Variants in NR4A3 observed in about 807,000 individuals in gnomAD.
NR4A3 encodes the protein nuclear receptor subfamily 4 group A member 3.
A neutral mutation model predicts 55.6 loss-of-function variants in NR4A3; 13 were observed. The ratio of observed to expected loss-of-function variants is 0.23; its 90% CI spans 0.15 to 0.37. NR4A3 has a LOEUF of 0.37. Ranked by LOEUF, NR4A3 falls within the 10% of genes least tolerant of loss-of-function variation. NR4A3 has a pLI of 1.00. For missense variants in NR4A3, 646 were observed against 822.8 expected (o/e 0.79, Z 2.63); for synonymous variants, 342 against 357.9 (o/e 0.96, Z 0.50).
In NR4A3 at chr9:99,828,508, T is replaced by A; in HGVS notation, c.466T>A (p.Trp156Arg). The A allele has an allele frequency of 6.3e-7, 1 of 1,580,346 alleles. No homozygotes were observed. The highest frequency in any genetic ancestry group is 8.6e-7 in the Non-Finnish European group (1 of 1,165,932). Residue 156 changes from tryptophan to arginine, a missense_variant, in exon 3 of 8, where the codon TGG becomes AGG. By Grantham distance (101) the Trp-to-Arg change is moderately radical. Transcript: ENST00000395097. The surrounding 1 kb of genome is among the most constrained non-coding windows in gnomAD (Gnocchi z 7.7). ...PAFPPQAGAL[W>R]DEALPSAPGC... Reference sequence around the variant, plus strand: ...CTTCCCCCCGCAGGCGGGGGCGTTATGGGACGAGGCACTGCCCTCGGCGCC... The same window carrying A: ...CTTCCCCCCGCAGGCGGGGGCGTTAAGGGACGAGGCACTGCCCTCGGCGCC...
rs776716724 is a variant in NR4A3, at chr9:99,844,782, A to G, written c.1388A>G (p.Lys463Arg). 1.2e-6 allele frequency: 2 copies of G among 1,614,118 alleles called. No homozygotes were observed. Among genetic ancestry groups the G allele is most frequent in the South Asian group, 1.1e-5 (1 of 91,084 alleles). The change falls in exon 6 of 8, where the codon AAA becomes AGA. Residue 463 changes from lysine to arginine, a missense_variant. This residue lies in a region of NR4A3 where 163 missense variants were observed against 233.0 expected (regional missense o/e 0.70). Transcript: ENST00000395097. ...EKIPGFTDLP[K>R]EDQTLLIESA... ...ATTCCGGGATTTACTGATCTCCCCAAAGAAGATCAGACATTACTTATTGAA... is the reference window on the plus strand; with the variant it reads ...ATTCCGGGATTTACTGATCTCCCCAGAGAAGATCAGACATTACTTATTGAA...
At position 99,833,580 on chromosome 9, in the gene NR4A3, A is replaced by G. The variant is rs368133506; in HGVS notation, c.1254+126A>G. ...GTTAGACAGTTTTCATACTTTTTCT[A>G]TATTTCTCGCTTCATTTAGCAATTC... is the stretch of plus-strand genomic sequence containing the variant. On this transcript the variant is annotated intron_variant, in intron 5 of 7. Coordinates refer to ENST00000395097, the MANE Select transcript of NR4A3 (RefSeq NM_006981.4). 7.3e-5 allele frequency: 118 copies of G among 1,605,790 alleles called. 1 individual carries two copies. Among genetic ancestry groups the G allele is most frequent in the South Asian group, 2.9e-4 (26 of 90,400 alleles).
At chr9:99,847,103 G>A (rs910036702) in intron 6 of NR4A3, among the ~76,000 whole-genome samples, 2 of 152,206 alleles carry the variant, frequency 1.3e-5, no homozygotes, top group African/African-American at 2.4e-5. Context: ...GGGGTGCACT[G>A]GGCTTCATCT....
rs1177632289 is a variant in NR4A3 at position 99,844,699 on chromosome 9, A to G, written c.1305A>G (p.Gln435=). ...CAGGCACAGATGCTGAGCATGTGCAACAATTCTACAACCTCCTGACAGCCT... is the reference window on the plus strand; with the variant it reads ...CAGGCACAGATGCTGAGCATGTGCAGCAATTCTACAACCTCCTGACAGCCT... ...AAAGTDAEHV[Q]QFYNLLTASI... Residue 435 remains glutamine (Q), a synonymous_variant, in exon 6 of 8, where the codon CAA becomes CAG. Coordinates refer to ENST00000395097, the MANE Select transcript of NR4A3 (RefSeq NM_006981.4). 1 of 1,614,230 alleles carries G rather than the reference A, an allele frequency of 6.2e-7. No homozygotes were observed. The highest frequency in any genetic ancestry group is 2.2e-5 in the East Asian group (1 of 44,880).
rs1424989417 is a variant in NR4A3, at chr9:99,826,839, C to T, written c.-3+1007C>T. On this transcript the variant is annotated intron_variant, in intron 2 of 7. Transcript: ENST00000395097. The stretch of plus-strand genomic sequence containing the variant: ...TGTCAAAGGAAATGTGAAGTATTCA[C>T]TTCTCTATTAGTCACACCTTTTACA... 8 of 1,575,110 alleles carry T rather than the reference C, an allele frequency of 5.1e-6. No homozygotes were observed. In the African/African-American group the frequency reaches 8.1e-5, roughly 16 times the overall value.
chr9:99,859,896 G>A (rs1402218391), intron 7 of NR4A3, among the ~76,000 whole-genome samples: 4 of 152,222 alleles, frequency 2.6e-5, no homozygotes, highest in East Asian at 1.9e-4. Context: ...TGAGAAAGGC[G>A]TCTCTCCCTA....
At chr9:99,839,815 G>A (rs1437840832) in intron 5 of NR4A3, among the ~76,000 whole-genome samples, 1 of 152,174 alleles carries the variant, frequency 6.6e-6, no homozygotes. Flanking sequence ...ATGTTCGATT[G>A]GCATGATCAG....
chr9:99,835,640 A>G (rs993645488), intron 5 of NR4A3, among the ~76,000 whole-genome samples: 2 of 152,204 alleles, frequency 1.3e-5, no homozygotes, highest in African/African-American at 4.8e-5. Flanking sequence ...TTAGGCCTCA[A>G]AAGTAATTTT....
chr9:99,838,510 C>A (rs1473616799), intron 5 of NR4A3, among the ~76,000 whole-genome samples: 1 of 152,214 alleles, frequency 6.6e-6, no homozygotes, highest in Non-Finnish European at 1.5e-5. Context: ...GATGATTTCA[C>A]GCCAGTTCCT....
At chr9:99,823,753 C>T (rs970164703) in intron 1 of NR4A3, among the ~76,000 whole-genome samples, 11 of 151,934 alleles carry the variant, frequency 7.2e-5, no homozygotes, top group Non-Finnish European at 1.5e-4. Flanking sequence ...CCCCGGCACC[C>T]ATCCACCCCT....
At chr9:99,826,132 CTCT>C (rs1235653615) in intron 2 of NR4A3, among the ~76,000 whole-genome samples, 3 of 152,254 alleles carry the variant, frequency 2.0e-5, no homozygotes, top group Non-Finnish European at 2.9e-5. Flanking sequence ...TTCATTTTTG[CTCT>C]TCTTTTATAG....
Position 99,828,714 on chromosome 9 carries a change from G to C in NR4A3, c.672G>C (p.Pro224=). Residue 224 remains proline, a synonymous_variant, in exon 3 of 8, where the codon CCG becomes CCC. Transcript: ENST00000395097. The surrounding 1 kb of genome is among the most constrained non-coding windows in gnomAD (Gnocchi z 7.7). ...DPTAAAALSL[P]LGAAAAAGSQ... is the part of the protein sequence containing the mutation. ...CGGCCGCTGCCGCGCTCAGCCTGCCGCTGGGAGCCGCAGCCGCCGCGGGCA... is the reference window on the plus strand; with the variant it reads ...CGGCCGCTGCCGCGCTCAGCCTGCCCCTGGGAGCCGCAGCCGCCGCGGGCA... The C allele has an allele frequency of 1.5e-6, 2 of 1,306,522 alleles. No individual in the cohort carries two copies. The highest frequency in any genetic ancestry group is 2.2e-5 in the South Asian group (1 of 45,770). The allele number at this position is 1,306,522 out of a possible 1,614,324, so 80.9% of individuals were successfully genotyped here.
intron 2 of NR4A3, 60 bp from the exon 3 acceptor site, chr9:99,827,981 T>C: frequency 9.0e-6 from 14 of 1,556,330 alleles, no homozygotes; most frequent in Non-Finnish European, 1.2e-5. Flanking sequence ...CAATGCTGCC[T>C]GTTGGCTAGA....
Position 99,846,435 on chromosome 9 carries a change from GTCA to G in NR4A3, c.1455-997_1455-995del, listed in dbSNP as rs1321832657. Among the ~76,000 whole-genome samples, 4 of 152,252 alleles carry G rather than the reference GTCA, an allele frequency of 2.6e-5. 1 individual carries two copies. In the East Asian group the frequency reaches 7.7e-4, roughly 29 times the overall value. On this transcript the variant is annotated intron_variant, in intron 6 of 7. Coordinates refer to ENST00000395097, the MANE Select transcript of NR4A3 (RefSeq NM_006981.4). ...AGGAGCACCCAAAGCCACACCCCAA[GTCA>G]TCATGTCCACCTGGAAGTTCCAGGG...
At chr9:99,836,688 A>T (rs564244865) in intron 5 of NR4A3, among the ~76,000 whole-genome samples, 2 of 152,386 alleles carry the variant, frequency 1.3e-5, no homozygotes, top group South Asian at 2.1e-4. Flanking sequence ...TTGTCTGATA[A>T]CAAGTGTTGG....
chr9:99,862,582 AAGAG>A (rs1564041245), intron 7 of NR4A3, among the ~76,000 whole-genome samples: 1 of 116,184 alleles, frequency 8.6e-6, no homozygotes, highest in Non-Finnish European at 1.7e-5. Flanking sequence ...AAAAAAAAAA[AAGAG>A]AGAGAAATGA....
rs529422230 is a variant in NR4A3 at position 99,861,806 on chromosome 9, T to C, written c.1634-1814T>C. On this transcript the variant is annotated intron_variant, in intron 7 of 7. Transcript: ENST00000395097. Reference sequence around the variant, plus strand: ...ATGCCCCCAACTTAAAAAATTAATTTAGAGCCAGGCACGGTAGCTCATGCC... The same window carrying C: ...ATGCCCCCAACTTAAAAAATTAATTCAGAGCCAGGCACGGTAGCTCATGCC... Among the ~76,000 whole-genome samples the C allele has an allele frequency of 1.4e-4, 21 of 152,202 alleles. No individual in the cohort carries two copies. The South Asian group carries it at 4.2e-3, about 30-fold the overall frequency.
At chr9:99,837,223 G>A (rs1827573263) in intron 5 of NR4A3, among the ~76,000 whole-genome samples, 1 of 152,098 alleles carries the variant, frequency 6.6e-6, no homozygotes, top group South Asian at 2.1e-4. Flanking sequence ...CTCCAGCTCT[G>A]TGTGGTATTA....
rs1300152073 is a variant in NR4A3 at position 99,847,418 on chromosome 9, T to C, written c.1455-19T>C. ...ATTGAACAGACCTGTTTAATGTTTG[T>C]CTTCCTCTCACCTCCCAGGTCAAAC... On this transcript the variant is annotated intron_variant, in intron 6 of 7. Transcript: ENST00000395097. 1 of 1,612,062 alleles carries C rather than the reference T, an allele frequency of 6.2e-7. No homozygotes were observed. The highest frequency in any genetic ancestry group is 8.5e-7 in the Non-Finnish European group (1 of 1,178,408).
Sources: allele counts gnomAD v4.1 joint callset (sites outside exome capture counted in the v4.1 genomes callset), GRCh38; gene constraint gnomAD v4.1.1; regional missense constraint gnomAD v4.1.1; non-coding constraint Gnocchi (gnomAD v3.1); transcripts MANE v1.5; gene names NCBI Gene and HGNC (gene_info 2026-07-23, HGNC 2026-07-21).